The following LHFPL1 variants were observed in gnomAD, a reference collection of about 807,000 sequenced individuals.
LHFPL1 encodes LHFPL tetraspan subfamily member 1.
In LHFPL1, 4 loss-of-function variants were observed where a neutral mutation model predicts 12.1. The observed-to-expected ratio is 0.33, with a 90% confidence interval of 0.16 to 0.76. LHFPL1 has a LOEUF of 0.76. Among genes scored for constraint, LHFPL1 ranks in the 30% least tolerant of loss-of-function variants. LHFPL1 has a pLI of 0.61. For missense variants in LHFPL1, 141 were observed against 174.1 expected (o/e 0.81, Z 1.07); for synonymous variants, 52 against 61.9 (o/e 0.84, Z 0.75).
At chrX:112,644,947 A>G (rs1202359061) in intron 3 of LHFPL1, among the ~76,000 whole-genome samples, 1 of 112,349 alleles carries the variant, frequency 8.9e-6, no homozygotes, top group Non-Finnish European at 1.9e-5. Flanking sequence ...ACTGGCAAGA[A>G]TGAGCAGAAA....
chrX:112,631,655 T>G, intron 3 of LHFPL1, 54 bp from the exon 4 acceptor site: 2 of 901,828 alleles, frequency 2.2e-6, no homozygotes, highest in Non-Finnish European at 3.1e-6. Flanking sequence ...ATATTTTCTC[T>G]TTGGTAATGA....
intron 3 of LHFPL1, among the ~76,000 whole-genome samples, chrX:112,658,851 A>G (rs1043648563): frequency 3.6e-5 from 4 of 112,282 alleles, no homozygotes; most frequent in African/African-American, 1.3e-4. Flanking sequence ...ATATAATAAT[A>G]GCCAAAAAGT....
intron 3 of LHFPL1, among the ~76,000 whole-genome samples, chrX:112,644,480 TAC>T (rs35363305): frequency 9.0e-6 from 1 of 110,634 alleles, no homozygotes; most frequent in Non-Finnish European, 1.9e-5. Flanking sequence ...TGTGTGTGTG[TAC>T]ACATTAAGAG....
At chrX:112,653,292 C>T (rs980801959) in intron 3 of LHFPL1, among the ~76,000 whole-genome samples, 2 of 111,486 alleles carry the variant, frequency 1.8e-5, no homozygotes, top group African/African-American at 6.5e-5. Flanking sequence ...GCAATGGAGA[C>T]TCCCAGGCCT....
intron 3 of LHFPL1, among the ~76,000 whole-genome samples, chrX:112,651,663 A>G (rs773869007): frequency 1.8e-5 from 2 of 111,792 alleles, no homozygotes; most frequent in South Asian, 7.6e-4. Context: ...ACTTTAAAAT[A>G]TATTTTGAAA....
intron 3 of LHFPL1, among the ~76,000 whole-genome samples, chrX:112,654,251 A>G (rs1297178387): frequency 3.6e-5 from 4 of 112,195 alleles, no homozygotes; most frequent in African/African-American, 1.3e-4. Context: ...GTTAATGATC[A>G]TATGATTCAA....
chrX:112,657,978 G>C (rs1244482958), intron 3 of LHFPL1, among the ~76,000 whole-genome samples: 5 of 108,279 alleles, frequency 4.6e-5, no homozygotes, highest in Non-Finnish European at 7.6e-5. Context: ...GTACTTCAAA[G>C]AATGTCATCA....
chrX:112,636,073 C>T (rs970981488), intron 3 of LHFPL1, among the ~76,000 whole-genome samples: 24 of 111,046 alleles, frequency 2.2e-4, no homozygotes, highest in Middle Eastern at 4.6e-3. Flanking sequence ...TTTTCCTGTA[C>T]ACTGTAACAC....
At chrX:112,662,451 G>A (rs1931217785) in intron 2 of LHFPL1, among the ~76,000 whole-genome samples, 1 of 112,017 alleles carries the variant, frequency 8.9e-6, no homozygotes, top group Non-Finnish European at 1.9e-5. Flanking sequence ...AGATCTCAAA[G>A]TAGCCTCCAA....
At chrX:112,662,781 C>G (rs1424931551) in intron 2 of LHFPL1, among the ~76,000 whole-genome samples, 1 of 111,688 alleles carries the variant, frequency 9.0e-6, no homozygotes, top group Non-Finnish European at 1.9e-5. Flanking sequence ...CACAGATAAA[C>G]TGAAATCCTA....
rs183185387 is a variant in LHFPL1, at chrX:112,648,959, C to T, written c.481+11668G>A. Among the ~76,000 whole-genome samples the T allele has an allele frequency of 1.3e-3, 145 of 112,069 alleles. 1 individual carries two copies. The highest frequency in any genetic ancestry group is 4.2e-3 in the African/African-American group (131 of 30,963). On this transcript the variant is annotated intron_variant, in intron 3 of 3. Coordinates refer to ENST00000371968, the MANE Select transcript of LHFPL1 (RefSeq NM_178175.4). ...ATATTGTTCAACAAGGGACCAAGTT[C>T]TCTACTAAGATACTTCTCACTTCTT...
Position 112,631,349 on chromosome X carries a change from C to T in LHFPL1, c.*71G>A, listed in dbSNP as rs906395138. ...CTAATGACAGTCAGATGACAAATGG[C>T]CTAATCCTTAGTACCTCTTTTCAGG... On this transcript the variant is annotated 3_prime_UTR_variant, in exon 4 of 4. Transcript: ENST00000371968. 3.1e-6 allele frequency: 3 copies of T among 967,941 alleles called. No homozygotes were observed. The highest frequency in any genetic ancestry group is 2.9e-6 in the Non-Finnish European group (2 of 701,288). 79.8% of individuals were successfully genotyped at this position (967,941 alleles called of 1,213,427 possible).
At position 112,646,449 on chromosome X, in the gene LHFPL1, T is replaced by C. The variant is rs186261146; in HGVS notation, c.481+14178A>G. ...CCAAACCCCCTCCAATCTTTCATCCTCCCTATCCCCCAAACACATACCCCA... is the reference window on the plus strand; with the variant it reads ...CCAAACCCCCTCCAATCTTTCATCCCCCCTATCCCCCAAACACATACCCCA... On this transcript the variant is annotated intron_variant, in intron 3 of 3. Transcript: ENST00000371968. Among the ~76,000 whole-genome samples the C allele has an allele frequency of 8.3e-3, 903 of 109,161 alleles. 8 individuals carry two copies. The highest frequency in any genetic ancestry group is 0.011 in the Non-Finnish European group (590 of 52,470). The allele number at this position is 109,161 out of a possible 115,157, so 94.8% of individuals were successfully genotyped here.
intron 1 of LHFPL1, among the ~76,000 whole-genome samples, chrX:112,678,971 A>G (rs1460802646): frequency 8.9e-6 from 1 of 112,058 alleles, no homozygotes; most frequent in African/African-American, 3.3e-5. Flanking sequence ...GAAATGATTA[A>G]GCATAAAATT....
At chrX:112,637,030 A>T (rs1212487487) in intron 3 of LHFPL1, among the ~76,000 whole-genome samples, 6 of 111,689 alleles carry the variant, frequency 5.4e-5, no homozygotes, top group Non-Finnish European at 1.1e-4. Context: ...AATGAGCTTT[A>T]TGCAAAGCTT....
chrX:112,668,888 A>G (rs948322618), intron 2 of LHFPL1, among the ~76,000 whole-genome samples: 12 of 112,196 alleles, frequency 1.1e-4, no homozygotes, highest in Non-Finnish European at 2.3e-4. Context: ...GTGGAATCTG[A>G]TGGAGGCTGT....
intron 3 of LHFPL1, among the ~76,000 whole-genome samples, chrX:112,633,921 T>C (rs1360969474): frequency 4.5e-5 from 5 of 111,634 alleles, no homozygotes; most frequent in Non-Finnish European, 9.4e-5. Context: ...AAGCAGCCTG[T>C]AGAGCTGTAT....
At chrX:112,646,697 T>C (rs915002738) in intron 3 of LHFPL1, among the ~76,000 whole-genome samples, 1 of 110,400 alleles carries the variant, frequency 9.1e-6, no homozygotes, top group Admixed American at 9.7e-5. Flanking sequence ...TCCTGATTTA[T>C]GTTTAATCTG....
chrX:112,667,202 G>T (rs1199438363), intron 2 of LHFPL1, among the ~76,000 whole-genome samples: 17 of 112,015 alleles, frequency 1.5e-4, no homozygotes, highest in Non-Finnish European at 3.2e-4. Context: ...CTTTTATTCA[G>T]TTTGAAGCAT....
Sources: gnomAD v4.1 joint callset for allele counts (sites outside exome capture counted in the v4.1 genomes callset) on GRCh38, gnomAD v4.1.1 for gene constraint, MANE v1.5 for transcripts, NCBI Gene and HGNC (gene_info 2026-07-23, HGNC 2026-07-21) for gene names.